Variants in UBE2R2 observed in about 807,000 individuals in gnomAD.
UBE2R2 encodes ubiquitin-conjugating enzyme E2 R2.
In UBE2R2, 1 loss-of-function variant was observed where a neutral mutation model predicts 27.8. The observed-to-expected ratio is 0.04, with a 90% confidence interval of 0.01 to 0.17. The LOEUF is 0.17. Ranked by LOEUF, UBE2R2 falls within the 10% of genes least tolerant of loss-of-function variation. The probability of loss-of-function intolerance (pLI) is 1.00; values close to 1 mark genes in which losing one functional copy is unlikely to be tolerated. For missense variants in UBE2R2, 100 were observed against 291.0 expected (o/e 0.34, Z 4.78); for synonymous variants, 106 against 113.3 (o/e 0.94, Z 0.41).
In UBE2R2 at chr9:33,846,608, A is replaced by C. The variant is rs556122441; in HGVS notation, c.177+28674A>C. Among the ~76,000 whole-genome samples the C allele has an allele frequency of 2.6e-5, 4 of 152,310 alleles. No homozygotes were observed. In the East Asian group the frequency reaches 7.7e-4, roughly 29 times the overall value. ...ATGTGTGGCTCTCAAAACGTTGTCAAATATAGCTACTATATCACTGTAATT... is the reference window on the plus strand; with the variant it reads ...ATGTGTGGCTCTCAAAACGTTGTCACATATAGCTACTATATCACTGTAATT... On this transcript the variant is annotated intron_variant, in intron 1 of 4. Coordinates refer to ENST00000263228, the MANE Select transcript of UBE2R2 (RefSeq NM_017811.4).
In UBE2R2 at chr9:33,900,279, G is replaced by A. The variant is rs760014460; in HGVS notation, c.362+8G>A. 1 of 1,606,232 alleles carries A rather than the reference G, an allele frequency of 6.2e-7. No homozygotes were observed. Among genetic ancestry groups the A allele is most frequent in the Non-Finnish European group, 8.5e-7 (1 of 1,173,738 alleles). On this transcript the variant is annotated splice_region_variant and intron_variant, in intron 3 of 4. Transcript: ENST00000263228. ...TCCTACTCAGAATGTGAGGTAAGGA[G>A]GAATCTGGTTTTGGAGTTATTCTTA... is the stretch of plus-strand genomic sequence containing the variant.
chr9:33,832,516 G>C (rs556242801), intron 1 of UBE2R2, among the ~76,000 whole-genome samples: 1 of 151,910 alleles, frequency 6.6e-6, no homozygotes, highest in Middle Eastern at 3.4e-3. Flanking sequence ...AATTAGCTGC[G>C]CTTCGCGGCC....
intron 1 of UBE2R2, among the ~76,000 whole-genome samples, chr9:33,867,986 C>A (rs1821400679): frequency 6.6e-6 from 1 of 152,168 alleles, no homozygotes; most frequent in Admixed American, 6.6e-5. Flanking sequence ...GCACCCTGTT[C>A]TTGTTCGGTG....
intron 4 of UBE2R2, among the ~76,000 whole-genome samples, chr9:33,915,144 A>T (rs1304120220): frequency 1.3e-5 from 2 of 151,952 alleles, no homozygotes; most frequent in East Asian, 3.9e-4. Flanking sequence ...AAAAAAAAAA[A>T]ATCAAATAGT....
chr9:33,904,618 G>A (rs1326558896), intron 3 of UBE2R2, among the ~76,000 whole-genome samples: 1 of 152,202 alleles, frequency 6.6e-6, no homozygotes, highest in Admixed American at 6.5e-5. Context: ...AAGTCAGTCT[G>A]TATTATCAGA....
chr9:33,817,736 C>T lies in UBE2R2; in HGVS notation c.-22C>T. 1.3e-6 allele frequency: 2 copies of T among 1,488,970 alleles called. No individual in the cohort carries two copies. Among genetic ancestry groups the T allele is most frequent in the Non-Finnish European group, 1.8e-6 (2 of 1,117,416 alleles). 92.2% of individuals were successfully genotyped at this position (1,488,970 alleles called of 1,614,324 possible). On this transcript the variant is annotated 5_prime_UTR_variant, in exon 1 of 5. Transcript: ENST00000263228. ...GAGGACTGGGGCCCGGGCCCGGCGCCGCCGCCGCCGCCGCCGCCGCGATGG... is the reference window on the plus strand; with the variant it reads ...GAGGACTGGGGCCCGGGCCCGGCGCTGCCGCCGCCGCCGCCGCCGCGATGG...
chr9:33,909,413 G>A (rs151259129), intron 3 of UBE2R2, among the ~76,000 whole-genome samples: 5,438 of 152,248 alleles, frequency 0.036, 148 homozygotes, highest in Non-Finnish European at 0.058. Context: ...GCTTGAACCC[G>A]GGAGGCGGAG....
intron 1 of UBE2R2, among the ~76,000 whole-genome samples, chr9:33,841,822 C>T (rs1820739042): frequency 6.6e-6 from 1 of 152,036 alleles, no homozygotes; most frequent in African/African-American, 2.4e-5. Context: ...GTATATTACA[C>T]AGTAGTCTCA....
rs963876188 is a variant in UBE2R2 at position 33,863,983 on chromosome 9, C to T, written c.178-22898C>T. On this transcript the variant is annotated intron_variant, in intron 1 of 4. Transcript: ENST00000263228. ...TTACGGGCATGTACCACCATGGCCCCGTTTAATTTTTGTGTTTTTAGTAAA... is the reference window on the plus strand; with the variant it reads ...TTACGGGCATGTACCACCATGGCCCTGTTTAATTTTTGTGTTTTTAGTAAA... Among the ~76,000 whole-genome samples the T allele has an allele frequency of 8.5e-5, 13 of 152,084 alleles. 1 individual carries two copies. Among genetic ancestry groups the T allele is most frequent in the Admixed American group, 6.6e-4 (10 of 15,246 alleles).
At chr9:33,838,029 T>C (rs1227460339) in intron 1 of UBE2R2, among the ~76,000 whole-genome samples, 1 of 152,186 alleles carries the variant, frequency 6.6e-6, no homozygotes, top group African/African-American at 2.4e-5. Flanking sequence ...CAGTTGTCCT[T>C]CAGTATCCAT....
chr9:33,894,771 T>C (rs1312006234), intron 2 of UBE2R2, among the ~76,000 whole-genome samples: 4 of 152,218 alleles, frequency 2.6e-5, no homozygotes, highest in Non-Finnish European at 5.9e-5. Context: ...CTGGCTGTTA[T>C]CTGTGGTCCC....
At chr9:33,878,246 G>T (rs1821658716) in intron 1 of UBE2R2, among the ~76,000 whole-genome samples, 1 of 152,114 alleles carries the variant, frequency 6.6e-6, no homozygotes, top group African/African-American at 2.4e-5. Context: ...ATCTGTCCAG[G>T]AGAACGATGG....
intron 1 of UBE2R2, among the ~76,000 whole-genome samples, chr9:33,839,669 T>A (rs1010223730): frequency 5.3e-5 from 8 of 152,218 alleles, no homozygotes; most frequent in African/African-American, 1.9e-4. Flanking sequence ...GGTGTCTTGG[T>A]CTTCCCAGTC....
intron 2 of UBE2R2, among the ~76,000 whole-genome samples, chr9:33,892,181 C>T (rs1489434747): frequency 6.6e-6 from 1 of 152,018 alleles, no homozygotes; most frequent in African/African-American, 2.4e-5. Flanking sequence ...AATCTATTTC[C>T]TTTCTGTTTT....
At chr9:33,841,512 C>T (rs779422907) in intron 1 of UBE2R2, among the ~76,000 whole-genome samples, 3 of 152,006 alleles carry the variant, frequency 2.0e-5, no homozygotes, top group Admixed American at 6.6e-5. Flanking sequence ...AGTTTCTACC[C>T]CAGATTTATA....
chr9:33,886,729 T>C (rs1821867364), intron 1 of UBE2R2, 152 bp from the exon 2 acceptor site: 2 of 529,968 alleles, frequency 3.8e-6, no homozygotes, highest in Admixed American at 4.2e-5. Flanking sequence ...ACCCTGGCAC[T>C]GGGGATAACA....
intron 1 of UBE2R2, among the ~76,000 whole-genome samples, chr9:33,872,089 T>A (rs1821497200): frequency 6.6e-6 from 1 of 151,964 alleles, no homozygotes; most frequent in Admixed American, 6.6e-5. Context: ...TTTTTTTAAT[T>A]AAAGACTATT....
intron 1 of UBE2R2, among the ~76,000 whole-genome samples, chr9:33,875,893 TG>T (rs1314713532): frequency 6.6e-6 from 1 of 152,224 alleles, no homozygotes; most frequent in Non-Finnish European, 1.5e-5. Flanking sequence ...ATAACTGAAA[TG>T]GTATGAGATC....
chr9:33,880,921 G>T (rs976079557), intron 1 of UBE2R2, among the ~76,000 whole-genome samples: 1 of 152,052 alleles, frequency 6.6e-6, no homozygotes, highest in African/African-American at 2.4e-5. Flanking sequence ...CCACTCCTCC[G>T]CCCTCTTGTC....
Sources: allele counts gnomAD v4.1 joint callset (sites outside exome capture counted in the v4.1 genomes callset), GRCh38; gene constraint gnomAD v4.1.1; transcripts MANE v1.5; gene names NCBI Gene and HGNC (gene_info 2026-07-23, HGNC 2026-07-21).